CACNG2: variants seen among roughly 807,000 people sequenced by gnomAD.
CACNG2 encodes the protein voltage-dependent calcium channel gamma-2 subunit.
Under a neutral mutation model 25.9 loss-of-function variants are expected in CACNG2, and 3 were observed. That is an observed-to-expected ratio of 0.12 (90% confidence interval 0.05 to 0.30). The LOEUF is 0.30. CACNG2 is among the 10% of genes least tolerant of loss of function. The probability of loss-of-function intolerance (pLI) is 1.00; values close to 1 mark genes in which losing one functional copy is unlikely to be tolerated. For missense variants in CACNG2, 341 were observed against 432.5 expected, an observed-to-expected ratio of 0.79 and a Z score of 1.88; for synonymous variants, 167 against 173.3, an observed-to-expected ratio of 0.96 and a Z score of 0.29.
chr22:36,675,290 C>A (rs1937006057), intron 1 of CACNG2, among the ~76,000 whole-genome samples: 1 of 151,966 alleles, frequency 6.6e-6, no homozygotes. Flanking sequence ...AGCGATCTTC[C>A]CGCCTCGGTC....
chr22:36,695,254 A>G (rs1937322030), intron 1 of CACNG2, among the ~76,000 whole-genome samples: 2 of 152,026 alleles, frequency 1.3e-5, no homozygotes, highest in Non-Finnish European at 2.9e-5. Context: ...AAAAAAGGAA[A>G]CAGCTGCTCT....
At chr22:36,661,705 G>A (rs1474187153) in intron 1 of CACNG2, among the ~76,000 whole-genome samples, 1 of 152,142 alleles carries the variant, frequency 6.6e-6, no homozygotes, top group Non-Finnish European at 1.5e-5. Context: ...CTAGCTGTGG[G>A]GGGACCTTGT....
chr22:36,577,084 G>T (rs557682703), intron 2 of CACNG2, among the ~76,000 whole-genome samples: 28 of 152,188 alleles, frequency 1.8e-4, no homozygotes, highest in African/African-American at 6.5e-4. Flanking sequence ...GGTCCCCCGG[G>T]GGCCTCTGCT....
At chr22:36,613,765 C>A (rs1253530473) in intron 1 of CACNG2, among the ~76,000 whole-genome samples, 1 of 152,092 alleles carries the variant, frequency 6.6e-6, no homozygotes. Flanking sequence ...GAATATCCCA[C>A]AGATATCTGA....
At chr22:36,609,191 G>A (rs554044172) in intron 1 of CACNG2, among the ~76,000 whole-genome samples, 4 of 149,026 alleles carry the variant, frequency 2.7e-5, no homozygotes, top group East Asian at 2.0e-4. Context: ...GCCCCAGAGC[G>A]TGATCGGGCA....
chr22:36,585,838 C>G (rs1345281324), intron 2 of CACNG2, among the ~76,000 whole-genome samples: 2 of 152,232 alleles, frequency 1.3e-5, no homozygotes, highest in Non-Finnish European at 2.9e-5. Context: ...GCTCTTCTTT[C>G]TTAAAAACAA....
chr22:36,564,030 T>G lies in CACNG2; in HGVS notation c.*321A>C. 1.4e-5 allele frequency: 3 copies of G among 218,704 alleles called. No homozygotes were observed. Among genetic ancestry groups the G allele is most frequent in the Non-Finnish European group, 9.0e-6 (1 of 111,506 alleles). The allele number at this position is 218,704 out of a possible 1,614,324, so 13.5% of individuals were successfully genotyped here. On this transcript the variant is annotated 3_prime_UTR_variant, in exon 4 of 4. Coordinates refer to ENST00000300105, the MANE Select transcript of CACNG2 (RefSeq NM_006078.5). This position sits in a 1 kb window ranked among gnomAD's most constrained non-coding sequence, Gnocchi z 6.7. The stretch of plus-strand genomic sequence containing the variant: ...GGGAAATCATGCATTTTCTTTTAGA[T>G]TTATTTTCTATTTTTAATTTTTTAT...
At chr22:36,701,833 G>C (rs1937414862) in intron 1 of CACNG2, among the ~76,000 whole-genome samples, 1 of 152,016 alleles carries the variant, frequency 6.6e-6, no homozygotes, top group Non-Finnish European at 1.5e-5. Flanking sequence ...GGAATAATTA[G>C]GATTTACCAA....
intron 1 of CACNG2, among the ~76,000 whole-genome samples, chr22:36,655,723 C>T (rs866376375): frequency 0.054 from 7,769 of 142,906 alleles, 734 homozygotes; most frequent in African/African-American, 0.21. Context: ...CTCTTTCTTT[C>T]TTTTCTTTCT....
At chr22:36,604,411 C>G (rs964704394) in intron 1 of CACNG2, among the ~76,000 whole-genome samples, 11 of 152,202 alleles carry the variant, frequency 7.2e-5, no homozygotes, top group African/African-American at 2.4e-4. Flanking sequence ...AAAGCAGCAG[C>G]AGGGTTTGAG....
chr22:36,579,327 C>A (rs914811978), intron 2 of CACNG2, among the ~76,000 whole-genome samples: 3 of 147,398 alleles, frequency 2.0e-5, no homozygotes, highest in Non-Finnish European at 4.4e-5. Flanking sequence ...TCACTTGAAC[C>A]CAGGAGGTGG....
At chr22:36,678,117 G>C (rs2145998690) in intron 1 of CACNG2, among the ~76,000 whole-genome samples, 1 of 152,276 alleles carries the variant, frequency 6.6e-6, no homozygotes, top group African/African-American at 2.4e-5. Context: ...CCCCAAGGGA[G>C]GGCAGCTGCT....
At chr22:36,585,666 AT>A (rs1569020931) in intron 2 of CACNG2, among the ~76,000 whole-genome samples, 1 of 152,214 alleles carries the variant, frequency 6.6e-6, no homozygotes, top group Non-Finnish European at 1.5e-5. Context: ...TCAACATCTG[AT>A]TCTTTACAGA....
At chr22:36,588,210 G>A (rs1935534843) in intron 1 of CACNG2, among the ~76,000 whole-genome samples, 1 of 152,166 alleles carries the variant, frequency 6.6e-6, no homozygotes. Context: ...TTGTATAGAT[G>A]AGGAAACTGA....
Position 36,702,657 on chromosome 22 carries a change from A to T in CACNG2, c.-81T>A, listed in dbSNP as rs1449870715. 3.3e-6 allele frequency: 3 copies of T among 908,580 alleles called. No homozygotes were observed. Among genetic ancestry groups the T allele is most frequent in the African/African-American group, 3.3e-5 (2 of 60,056 alleles). 56.3% of individuals were successfully genotyped at this position (908,580 alleles called of 1,614,324 possible). A position where few individuals can be genotyped will look rare whatever the true frequency, so the allele number is the denominator to read the frequency against. ...GAGGGTGCAAGTACTAAAGCCAAAA[A>T]AAATAAATAAAAATAAAAATTATTC... On this transcript the variant is annotated 5_prime_UTR_variant, in exon 1 of 4. Coordinates refer to ENST00000300105, the MANE Select transcript of CACNG2 (RefSeq NM_006078.5).
chr22:36,601,357 T>A (rs1944177957), intron 1 of CACNG2, among the ~76,000 whole-genome samples: 1 of 152,260 alleles, frequency 6.6e-6, no homozygotes, highest in Non-Finnish European at 1.5e-5. Context: ...AAAGGCTGAA[T>A]CAGAAATAAT....
At chr22:36,665,983 T>G (rs1045684366) in intron 1 of CACNG2, among the ~76,000 whole-genome samples, 5 of 152,202 alleles carry the variant, frequency 3.3e-5, no homozygotes, top group Admixed American at 2.0e-4. Context: ...TGTCGACGGA[T>G]GAATGGATAA....
chr22:36,652,351 G>A (rs910073811), intron 1 of CACNG2, among the ~76,000 whole-genome samples: 4 of 152,108 alleles, frequency 2.6e-5, no homozygotes, highest in African/African-American at 9.7e-5. Context: ...AAGGTCTTTA[G>A]CTCGGTCTCC....
intron 1 of CACNG2, among the ~76,000 whole-genome samples, chr22:36,692,945 A>G (rs1161792256): frequency 6.6e-5 from 10 of 152,244 alleles, no homozygotes; most frequent in Non-Finnish European, 1.5e-4. Context: ...CAGGAGTCCA[A>G]GACCAGCCTG....
Sources: allele counts gnomAD v4.1 joint callset (sites outside exome capture counted in the v4.1 genomes callset), GRCh38; gene constraint gnomAD v4.1.1; non-coding constraint Gnocchi (gnomAD v3.1); transcripts MANE v1.5; gene names NCBI Gene and HGNC (gene_info 2026-07-23, HGNC 2026-07-21).